MAP4: variants seen among roughly 807,000 people sequenced by gnomAD.
MAP4 encodes microtubule associated protein 4, also known as microtubule-associated protein 4.
MAP4 carries 76 observed loss-of-function variants against 170.2 expected under a neutral mutation model. The observed-to-expected ratio is 0.45, with a 90% confidence interval of 0.37 to 0.54. MAP4 has a LOEUF of 0.54. MAP4 is among the 20% of genes least tolerant of loss of function. The probability of loss-of-function intolerance (pLI) is 0.00; values close to 1 mark genes in which losing one functional copy is unlikely to be tolerated. For synonymous variants in MAP4, 909 were observed against 994.5 expected (o/e 0.91, Z 1.62); for missense variants, 2,506 against 2,748.0 (o/e 0.91, Z 1.97).
intron 1 of MAP4, among the ~76,000 whole-genome samples, chr3:48,073,146 G>A (rs1579811268): frequency 6.6e-6 from 1 of 151,912 alleles, no homozygotes; most frequent in East Asian, 1.9e-4. Context: ...GGAAGCAGAG[G>A]TTACAGTGAG....
At chr3:48,079,158 C>G (rs1036014766) in intron 1 of MAP4, among the ~76,000 whole-genome samples, 2 of 151,990 alleles carry the variant, frequency 1.3e-5, no homozygotes, top group African/African-American at 4.8e-5. Context: ...GAGCGAGACC[C>G]TGTCTCAAAA....
intron 1 of MAP4, among the ~76,000 whole-genome samples, chr3:48,042,984 G>A (rs2100122451): frequency 6.6e-6 from 1 of 152,180 alleles, no homozygotes; most frequent in Admixed American, 6.5e-5. Context: ...TATTGTATTA[G>A]GGAGTGATAA....
chr3:47,901,672 T>TAA (rs1205531345), intron 10 of MAP4, among the ~76,000 whole-genome samples: 1 of 138,848 alleles, frequency 7.2e-6, no homozygotes, highest in South Asian at 2.3e-4. Flanking sequence ...AGACCCTATT[T>TAA]AAAAAAAAAA....
chr3:47,952,663 AAAAAATAAAAAT>A lies in MAP4; in HGVS notation c.293-24325_293-24314del, dbSNP rs879424782. Among the ~76,000 whole-genome samples the A allele has an allele frequency of 2.8e-4, 42 of 151,616 alleles. No homozygotes were observed. The East Asian group carries it at 5.8e-3, about 21-fold the overall frequency. ...GAAAAAATAAATAAATAAATTAAAA[AAAAAATAAAAAT>A]AAAAATAAAAATAAAAAATTGGTCA... On this transcript the variant is annotated intron_variant, in intron 3 of 20. Transcript: ENST00000683076.
In MAP4 at chr3:48,033,181, G is replaced by A. The variant is rs192428314; in HGVS notation, c.-19-34302C>T. Among the ~76,000 whole-genome samples the A allele has an allele frequency of 8.9e-3, 1,356 of 152,306 alleles. 8 individuals carry two copies. Among genetic ancestry groups the A allele is most frequent in the Non-Finnish European group, 0.014 (972 of 68,016 alleles). On this transcript the variant is annotated intron_variant, in intron 1 of 18. Coordinates refer to the MAP4 transcript ENST00000360240. Reference sequence around the variant, plus strand: ...TATATCCCAAATCAGGAAGCAAGGGGAAAAGGTAGGAGGTATTATCATTCT... The same window carrying A: ...TATATCCCAAATCAGGAAGCAAGGGAAAAAGGTAGGAGGTATTATCATTCT...
At chr3:48,046,305 T>C (rs1032363369) in intron 1 of MAP4, among the ~76,000 whole-genome samples, 4 of 152,232 alleles carry the variant, frequency 2.6e-5, no homozygotes, top group African/African-American at 9.6e-5. Flanking sequence ...CAGTTGTTAC[T>C]TATGTAGTGA....
chr3:47,917,291 T>C (rs1233362922), intron 6 of MAP4, 117 bp from the exon 7 acceptor site: 5 of 806,422 alleles, frequency 6.2e-6, no homozygotes, highest in Non-Finnish European at 1.0e-5. Context: ...TACACATAAC[T>C]AAGAATTAAT....
At chr3:47,991,665 T>C (rs1159415318) in intron 2 of MAP4, among the ~76,000 whole-genome samples, 2 of 151,938 alleles carry the variant, frequency 1.3e-5, no homozygotes, top group Non-Finnish European at 2.9e-5. Context: ...AGAATCTGTC[T>C]TTTCTTTTTT....
chr3:47,884,674 A>C (rs1036436646), intron 10 of MAP4, among the ~76,000 whole-genome samples: 1 of 152,122 alleles, frequency 6.6e-6, no homozygotes, highest in Non-Finnish European at 1.5e-5. Context: ...TGCTGGAAAC[A>C]TAGAATAGAG....
chr3:48,019,793 T>G (rs747085645), upstream of MAP4, among the ~76,000 whole-genome samples: 91 of 152,248 alleles, frequency 6.0e-4, no homozygotes, highest in Non-Finnish European at 1.6e-4. Context: ...GACGGATCAC[T>G]TCAGCAGAGG....
In MAP4 at chr3:47,852,913, C is replaced by G; in HGVS notation, c.*21G>C. Reference sequence around the variant, plus strand: ...GTCGGTGCGGGCCCTGGCATTTGCCCGGAACGTCAGCCTGTAGGTCTCAAT... The same window carrying G: ...GTCGGTGCGGGCCCTGGCATTTGCCGGGAACGTCAGCCTGTAGGTCTCAAT... On this transcript the variant is annotated 3_prime_UTR_variant, in exon 21 of 21. Transcript: ENST00000683076. The G allele has an allele frequency of 6.2e-7, 1 of 1,609,554 alleles. No homozygotes were observed. Among genetic ancestry groups the G allele is most frequent in the Non-Finnish European group, 8.5e-7 (1 of 1,177,486 alleles).
At chr3:48,033,581 C>T (rs1479956101) in intron 1 of MAP4, among the ~76,000 whole-genome samples, 1 of 151,998 alleles carries the variant, frequency 6.6e-6, no homozygotes, top group Non-Finnish European at 1.5e-5. Context: ...TTCAAACTGT[C>T]CTTAAGAATT....
chr3:47,882,247 C>A (rs1340437947), intron 10 of MAP4, among the ~76,000 whole-genome samples: 1 of 151,994 alleles, frequency 6.6e-6, no homozygotes, highest in Non-Finnish European at 1.5e-5. Context: ...CCACTGCACT[C>A]CAGCCTGGGT....
chr3:48,078,010 C>G (rs2100144801), intron 1 of MAP4, among the ~76,000 whole-genome samples: 1 of 152,038 alleles, frequency 6.6e-6, no homozygotes, highest in African/African-American at 2.4e-5. Context: ...TTGCCAGAGG[C>G]TGGGTGAATG....
Position 47,875,909 on chromosome 3 carries a change from T to C in MAP4, c.5542-9A>G. On this transcript the variant is annotated splice_polypyrimidine_tract_variant and intron_variant, in intron 11 of 20. Coordinates refer to ENST00000683076, the MANE Select transcript of MAP4 (RefSeq NM_001385682.1). Reference sequence around the variant, plus strand: ...TGAGTGGTGGCCAAAGGCTTTAGGTTGATTGTTGTTTATTTTTTATTTTTA... The same window carrying C: ...TGAGTGGTGGCCAAAGGCTTTAGGTCGATTGTTGTTTATTTTTTATTTTTA... 1 of 1,571,676 alleles carries C rather than the reference T, an allele frequency of 6.4e-7. No homozygotes were observed. The highest frequency in any genetic ancestry group is 2.1e-5 in the Admixed American group (1 of 48,394).
At position 47,916,856 on chromosome 3, in the gene MAP4, G is replaced by C. The variant is rs2100039760; in HGVS notation, c.971C>G (p.Thr324Arg). The change falls in exon 7 of 21, where the codon ACA becomes AGA. Residue 324 changes from threonine to arginine, a missense_variant. Thr to Arg is a moderately conservative substitution (Grantham distance 71, BLOSUM62 -1). This residue lies in a region of MAP4 where 2,008 missense variants were observed against 2,206.0 expected (regional missense o/e 0.91). Coordinates refer to ENST00000683076, the MANE Select transcript of MAP4 (RefSeq NM_001385682.1). Reference protein sequence around the residue: ...VALVKDVRWPTETDVSSAKNV... With the variant: ...VALVKDVRWPRETDVSSAKNV... The stretch of plus-strand genomic sequence containing the variant: ...CTTGGCTGAAGATACATCTGTTTCT[G>C]TGGGCCATCTGACATCCTTAACCAG... 6.2e-7 allele frequency: 1 copy of C among 1,614,222 alleles called. No homozygotes were observed. Among genetic ancestry groups the C allele is most frequent in the South Asian group, 1.1e-5 (1 of 91,082 alleles).
At chr3:47,967,805 T>C (rs1027742217) in intron 3 of MAP4, among the ~76,000 whole-genome samples, 1 of 152,056 alleles carries the variant, frequency 6.6e-6, no homozygotes, top group African/African-American at 2.4e-5. Context: ...CTACAAAAGA[T>C]TTTAAAAATT....
chr3:47,880,465 G>GTTTTTTT, intron 10 of MAP4, among the ~76,000 whole-genome samples: 1 of 106,082 alleles, frequency 9.4e-6, no homozygotes, highest in Non-Finnish European at 1.8e-5. Flanking sequence ...TCCAATTTCA[G>GTTTTTTT]TTTTTTTTTT....
At chr3:48,027,838 C>CA in intron 1 of MAP4, among the ~76,000 whole-genome samples, 1 of 152,050 alleles carries the variant, frequency 6.6e-6, no homozygotes, top group South Asian at 2.1e-4. Context: ...GACCCTGTCT[C>CA]AAAAAAATAA....
Sources: gnomAD v4.1 joint callset for allele counts (sites outside exome capture counted in the v4.1 genomes callset) on GRCh38, gnomAD v4.1.1 for gene constraint, gnomAD v4.1.1 regional missense constraint, MANE v1.5 for transcripts, NCBI Gene and HGNC (gene_info 2026-07-23, HGNC 2026-07-21) for gene names.